CRIM1: variants seen among roughly 807,000 people sequenced by gnomAD.
The protein encoded by CRIM1 is cysteine-rich motor neuron 1 protein.
In CRIM1, 32 loss-of-function variants were observed where a neutral mutation model predicts 116.4. That is an observed-to-expected ratio of 0.27 (90% confidence interval 0.21 to 0.37). CRIM1 has a LOEUF of 0.37. Ranked by LOEUF, CRIM1 falls within the 10% of genes least tolerant of loss-of-function variation. The pLI, the probability that CRIM1 is intolerant of heterozygous loss-of-function variation, is 1.00. For synonymous variants in CRIM1, 590 were observed against 509.2 expected, an observed-to-expected ratio of 1.16 and a Z score of -2.13; for missense variants, 1,331 against 1,354.8, an observed-to-expected ratio of 0.98 and a Z score of 0.28.
chr2:36,533,436 A>G (rs910776529), intron 13 of CRIM1, among the ~76,000 whole-genome samples: 1 of 151,894 alleles, frequency 6.6e-6, no homozygotes, highest in African/African-American at 2.4e-5. Context: ...AAAAAAAAAA[A>G]AAAAAAACCC....
In CRIM1 at chr2:36,550,430, G is replaced by A. The variant is rs1218374598; in HGVS notation, c.*1729G>A. The A allele has an allele frequency of 1.3e-5, 2 of 152,326 alleles. No homozygotes were observed. Among genetic ancestry groups the A allele is most frequent in the Non-Finnish European group, 2.9e-5 (2 of 67,978 alleles). The allele number at this position is 152,326 out of a possible 1,614,324, so 9.4% of individuals were successfully genotyped here. ...GAGTTTTCTTTTAAAAATGCTTGTT[G>A]TGAAAGACACAGATACCCAGTATGC... On this transcript the variant is annotated 3_prime_UTR_variant, in exon 17 of 17. Transcript: ENST00000280527.
chr2:36,408,294 G>A (rs988364118), intron 2 of CRIM1, among the ~76,000 whole-genome samples: 1 of 152,170 alleles, frequency 6.6e-6, no homozygotes, highest in Non-Finnish European at 1.5e-5. Flanking sequence ...GTTCACTGCT[G>A]GGGTAGCCCT....
chr2:36,498,153 A>G (rs896288891), intron 7 of CRIM1, among the ~76,000 whole-genome samples: 1 of 152,230 alleles, frequency 6.6e-6, no homozygotes, highest in Non-Finnish European at 1.5e-5. Flanking sequence ...GATGTTGCAT[A>G]AGTATGTCAG....
chr2:36,533,006 C>A (rs958623722), intron 13 of CRIM1, among the ~76,000 whole-genome samples: 5 of 152,140 alleles, frequency 3.3e-5, no homozygotes, highest in Non-Finnish European at 5.9e-5. Context: ...CCCTGATAGC[C>A]ACACATAAAC....
intron 5 of CRIM1, among the ~76,000 whole-genome samples, chr2:36,465,916 C>T (rs540473783): frequency 1.5e-3 from 223 of 150,560 alleles, no homozygotes; most frequent in Admixed American, 2.6e-3. Flanking sequence ...GACAGAGTCT[C>T]GCCCTGTCGC....
chr2:36,521,058 A>G (rs76299427), intron 12 of CRIM1, among the ~76,000 whole-genome samples: 121 of 152,306 alleles, frequency 7.9e-4, no homozygotes, highest in Middle Eastern at 6.8e-3. Context: ...TTGGACTATG[A>G]CATTTCTAAA....
intron 1 of CRIM1, among the ~76,000 whole-genome samples, chr2:36,362,875 A>G (rs1669320479): frequency 1.3e-5 from 2 of 152,084 alleles, no homozygotes; most frequent in Non-Finnish European, 2.9e-5. Context: ...ACATGAAAAT[A>G]CCTACATGTT....
intron 7 of CRIM1, among the ~76,000 whole-genome samples, chr2:36,492,881 C>T (rs1680328228): frequency 6.6e-6 from 1 of 152,138 alleles, no homozygotes; most frequent in South Asian, 2.1e-4. Context: ...AATAAAACTA[C>T]CTTAAGAAAG....
chr2:36,474,706 G>A (rs1028263880), intron 5 of CRIM1, among the ~76,000 whole-genome samples: 3 of 151,780 alleles, frequency 2.0e-5, no homozygotes, highest in African/African-American at 7.3e-5. Context: ...AAATTAGCTG[G>A]GCATGGTGTC....
intron 11 of CRIM1, 66 bp from the exon 12 acceptor site, chr2:36,517,261 C>G: frequency 7.6e-7 from 1 of 1,319,232 alleles, no homozygotes; most frequent in East Asian, 2.3e-5. Flanking sequence ...GCAAACAGCA[C>G]CAGGCTTTCA....
chr2:36,484,985 G>A (rs1445216275), intron 7 of CRIM1, among the ~76,000 whole-genome samples: 2 of 152,108 alleles, frequency 1.3e-5, no homozygotes, highest in African/African-American at 2.4e-5. Flanking sequence ...TGTTAAAGCT[G>A]GATGAGAGGT....
intron 13 of CRIM1, 133 bp from the exon 14 acceptor site, chr2:36,537,217 CAA>C: frequency 3.6e-6 from 3 of 824,366 alleles, no homozygotes; most frequent in Non-Finnish European, 5.6e-6. Context: ...ACTAGGGAAA[CAA>C]AAGTTTCACC....
chr2:36,462,146 A>G (rs1263873281), intron 4 of CRIM1, among the ~76,000 whole-genome samples: 2 of 152,170 alleles, frequency 1.3e-5, no homozygotes, highest in Non-Finnish European at 2.9e-5. Flanking sequence ...GTGGGTTAAT[A>G]GGTGGTTGGG....
chr2:36,457,379 ATT>A (rs60160076), intron 4 of CRIM1, among the ~76,000 whole-genome samples: 62,784 of 151,718 alleles, frequency 0.41, 13,846 homozygotes, highest in African/African-American at 0.57. Context: ...AGGCAGAGTG[ATT>A]TTTTCTGGTG....
Position 36,511,412 on chromosome 2 carries a change from A to G in CRIM1, c.1659-861A>G, listed in dbSNP as rs565319534. Among the ~76,000 whole-genome samples, 6 of 152,378 alleles carry G rather than the reference A, an allele frequency of 3.9e-5. No individual in the cohort carries two copies. The East Asian group carries it at 9.6e-4, about 24-fold the overall frequency. ...TCCGTAAAATTCCCCAAATAAAATA[A>G]TGAATCATCATCATTCTTAATCCTA... On this transcript the variant is annotated intron_variant, in intron 9 of 16. Coordinates refer to ENST00000280527, the MANE Select transcript of CRIM1 (RefSeq NM_016441.3).
chr2:36,437,699 A>C (rs1675426000), intron 2 of CRIM1, among the ~76,000 whole-genome samples: 1 of 152,342 alleles, frequency 6.6e-6, no homozygotes, highest in African/African-American at 2.4e-5. Flanking sequence ...CTTACACTTA[A>C]GACTGTGTCT....
rs527246381 is a variant in CRIM1, at chr2:36,438,112, C to A, written c.506-3146C>A. Among the ~76,000 whole-genome samples the A allele has an allele frequency of 5.1e-5, 7 of 138,176 alleles. No individual in the cohort carries two copies. In the South Asian group the frequency reaches 1.6e-3, roughly 31 times the overall value. 90.6% of individuals were successfully genotyped at this position (138,176 alleles called of 152,430 possible). ...GTGCCACTGTACTCCAGCCTGGCAACAGAGCAAGACTCCATCTCAAAAAAA... is the reference window on the plus strand; with the variant it reads ...GTGCCACTGTACTCCAGCCTGGCAAAAGAGCAAGACTCCATCTCAAAAAAA... On this transcript the variant is annotated intron_variant, in intron 2 of 16. Coordinates refer to ENST00000280527, the MANE Select transcript of CRIM1 (RefSeq NM_016441.3).
chr2:36,366,939 G>T (rs1380748557), intron 1 of CRIM1, among the ~76,000 whole-genome samples: 2 of 152,190 alleles, frequency 1.3e-5, no homozygotes, highest in East Asian at 3.8e-4. Flanking sequence ...GGATGCATAG[G>T]CTTGGACCTT....
At chr2:36,450,061 A>G (rs1266868128) in intron 4 of CRIM1, among the ~76,000 whole-genome samples, 1 of 151,900 alleles carries the variant, frequency 6.6e-6, no homozygotes, top group Non-Finnish European at 1.5e-5. Flanking sequence ...CTTTACATCT[A>G]TAAATAGATA....
Sources: allele counts gnomAD v4.1 joint callset (sites outside exome capture counted in the v4.1 genomes callset), GRCh38; gene constraint gnomAD v4.1.1; transcripts MANE v1.5; gene names NCBI Gene and HGNC (gene_info 2026-07-23, HGNC 2026-07-21).